The following CSK variants were observed in gnomAD, a reference collection of about 807,000 sequenced individuals.
CSK encodes the protein tyrosine-protein kinase CSK.
A neutral mutation model predicts 62.3 loss-of-function variants in CSK; 7 were observed. The observed-to-expected ratio is 0.11, with a 90% CI of 0.06 to 0.21. The LOEUF is 0.21. CSK is among the 10% of genes least tolerant of loss of function. The probability of loss-of-function intolerance (pLI) is 1.00; values close to 1 mark genes in which losing one functional copy is unlikely to be tolerated. For synonymous variants in CSK, 237 were observed against 246.0 expected (o/e 0.96, Z 0.34); for missense variants, 294 against 613.5 (o/e 0.48, Z 5.50).
intron 1 of CSK, among the ~76,000 whole-genome samples, chr15:74,791,660 G>C (rs1209534759): frequency 3.3e-5 from 5 of 152,094 alleles, no homozygotes; most frequent in African/African-American, 1.2e-4. Context: ...TTTCTCTAGT[G>C]TCCTGTTCAA....
chr15:74,785,928 ACT>A (rs1011035132), intron 1 of CSK, among the ~76,000 whole-genome samples: 13 of 148,800 alleles, frequency 8.7e-5, no homozygotes, highest in African/African-American at 3.2e-4. Flanking sequence ...CCGGGACCTG[ACT>A]CCACCCATTC....
In CSK at chr15:74,800,718, G is replaced by T. The variant is rs1358595789; in HGVS notation, c.594G>T (p.Leu198=). 5.7e-6 allele frequency: 9 copies of T among 1,568,166 alleles called. No individual in the cohort carries two copies. Among genetic ancestry groups the T allele is most frequent in the Non-Finnish European group, 7.8e-6 (9 of 1,156,196 alleles). ...WALNMKELKL[L]QTIGKGEFGD... The stretch of plus-strand genomic sequence containing the variant: ...TGAACATGAAGGAGCTGAAGCTGCT[G>T]CAGACCATCGGGAAGGGGGAGTTCG... The change falls in exon 7 of 13, where the codon CTG becomes CTT. Residue 198 remains leucine (L), a synonymous_variant. Transcript: ENST00000220003.
intron 1 of CSK, among the ~76,000 whole-genome samples, chr15:74,794,310 T>G (rs1596370251): frequency 1.2e-5 from 1 of 80,152 alleles, no homozygotes; most frequent in Non-Finnish European, 2.2e-5. Flanking sequence ...GGGTAAGGGG[T>G]CCCCGCCACC....
In CSK at chr15:74,798,595, A is replaced by G; in HGVS notation, c.16-20A>G. On this transcript the variant is annotated intron_variant, in intron 2 of 12. Coordinates refer to ENST00000220003, the MANE Select transcript of CSK (RefSeq NM_004383.3). This position sits in a 1 kb window ranked among gnomAD's most constrained non-coding sequence, Gnocchi z 6.6. ...GAGGGGGCCCAGGCTGCACCCGCCC[A>G]CGTGTCACCTGCCTTGCAGGCCGCC... The G allele has an allele frequency of 6.2e-7, 1 of 1,608,246 alleles. No homozygotes were observed. Among genetic ancestry groups the G allele is most frequent in the Non-Finnish European group, 8.5e-7 (1 of 1,175,814 alleles).
intron 1 of CSK, among the ~76,000 whole-genome samples, chr15:74,793,487 G>C (rs547922839): frequency 6.6e-6 from 1 of 152,326 alleles, no homozygotes; most frequent in African/African-American, 2.4e-5. Flanking sequence ...GCTATGGGGA[G>C]GGCTGGCTCA....
At position 74,801,082 on chromosome 15, in the gene CSK, G is replaced by A. The variant is rs771931241; in HGVS notation, c.793G>A (p.Val265Ile). 2.5e-6 allele frequency: 4 copies of A among 1,613,278 alleles called. No individual in the cohort carries two copies. The highest frequency in any genetic ancestry group is 4.5e-5 in the East Asian group (2 of 44,876). ...IVEEKGGLYI[V>I]TEYMAKGSLV... ...GGAGGAGAAGGGCGGGCTCTACATCGTCACTGAGTACATGGCCAAGGTGGG... is the reference window on the plus strand; with the variant it reads ...GGAGGAGAAGGGCGGGCTCTACATCATCACTGAGTACATGGCCAAGGTGGG... Residue 265 changes from valine to isoleucine, a missense_variant, in exon 9 of 13, where the codon GTC becomes ATC. This residue lies in a region of CSK where 202 missense variants were observed against 415.7 expected (regional missense o/e 0.49). Transcript: ENST00000220003.
At chr15:74,785,920 G>A (rs565512999) in intron 1 of CSK, among the ~76,000 whole-genome samples, 2 of 151,994 alleles carry the variant, frequency 1.3e-5, no homozygotes, top group East Asian at 1.9e-4. Flanking sequence ...GTTAGGGTCC[G>A]GGACCTGACT....
At chr15:74,786,312 C>G (rs1273197692) in intron 1 of CSK, among the ~76,000 whole-genome samples, 2 of 152,064 alleles carry the variant, frequency 1.3e-5, no homozygotes, top group Non-Finnish European at 2.9e-5. Flanking sequence ...TGAGCCACTG[C>G]GCCTCTTCTG....
chr15:74,790,249 A>C (rs2063598113), intron 1 of CSK, among the ~76,000 whole-genome samples: 1 of 152,198 alleles, frequency 6.6e-6, no homozygotes, highest in African/African-American at 2.4e-5. Context: ...GGGCGTAAAC[A>C]GTTACTGAAG....
chr15:74,800,430 G>T lies in CSK; in HGVS notation c.481G>T (p.Asp161Tyr). Residue 161 changes from aspartate (D) to tyrosine (Y), a missense_variant, in exon 6 of 13, where the codon GAT (aspartate) becomes TAT (tyrosine). Coordinates refer to ENST00000220003, the MANE Select transcript of CSK (RefSeq NM_004383.3). ...QLVEHYTSDADGLCTRLIKPK... is the reference protein window; with the variant it reads ...QLVEHYTSDAYGLCTRLIKPK... ...CCTGCAGCACTACACCTCAGACGCA[G>T]ATGGACTCTGTACGCGCCTCATTAA... 6.2e-7 allele frequency: 1 copy of T among 1,614,044 alleles called. No homozygotes were observed. The highest frequency in any genetic ancestry group is 8.5e-7 in the Non-Finnish European group (1 of 1,179,980).
intron 1 of CSK, among the ~76,000 whole-genome samples, chr15:74,785,261 G>A (rs1256781576): frequency 1.3e-5 from 2 of 152,104 alleles, no homozygotes; most frequent in Non-Finnish European, 2.9e-5. Flanking sequence ...TTTTCTCATG[G>A]TGCTACGCGG....
In CSK at chr15:74,802,531, G is replaced by A; in HGVS notation, c.*18G>A. 1 of 1,611,176 alleles carries A rather than the reference G, an allele frequency of 6.2e-7. No homozygotes were observed. Among genetic ancestry groups the A allele is most frequent in the Non-Finnish European group, 8.5e-7 (1 of 1,179,422 alleles). On this transcript the variant is annotated 3_prime_UTR_variant, in exon 13 of 13. Coordinates refer to ENST00000220003, the MANE Select transcript of CSK (RefSeq NM_004383.3). ...ACCTGTGACGGCTGGCCTCCGCCTG[G>A]GTCATGGGCCTGTGGGGACTGAACC...
intron 1 of CSK, among the ~76,000 whole-genome samples, chr15:74,794,915 C>T (rs1037219556): frequency 2.0e-5 from 3 of 152,164 alleles, no homozygotes; most frequent in African/African-American, 7.2e-5. Context: ...TGGAAGTCCC[C>T]CTGCTGCCTG....
In CSK at chr15:74,802,555, C is replaced by T; in HGVS notation, c.*42C>T. 1 of 1,595,832 alleles carries T rather than the reference C, an allele frequency of 6.3e-7. No individual in the cohort carries two copies. Among genetic ancestry groups the T allele is most frequent in the South Asian group, 1.1e-5 (1 of 88,888 alleles). On this transcript the variant is annotated 3_prime_UTR_variant, in exon 13 of 13. Coordinates refer to ENST00000220003, the MANE Select transcript of CSK (RefSeq NM_004383.3). ...GGGTCATGGGCCTGTGGGGACTGAA[C>T]CTGGAAGATCATGGACCTGGTGCCC... is the stretch of plus-strand genomic sequence containing the variant.
rs756335008 is a variant in CSK, at chr15:74,801,569, C to T, written c.861C>T (p.Gly287=). The T allele has an allele frequency of 3.0e-5, 48 of 1,613,964 alleles. No individual in the cohort carries two copies. The Admixed American group carries it at 6.0e-4, about 20-fold the overall frequency. ...YLRSRGRSVL[G]GDCLLKFSLD... Reference sequence around the variant, plus strand: ...GGTCTAGGGGTCGGTCAGTGCTGGGCGGAGACTGTCTCCTCAAGTTCTCGC... The same window carrying T: ...GGTCTAGGGGTCGGTCAGTGCTGGGTGGAGACTGTCTCCTCAAGTTCTCGC... Residue 287 remains glycine (G), a synonymous_variant, in exon 10 of 13, where the codon GGC becomes GGT. Transcript: ENST00000220003.
chr15:74,802,594 C>A lies in CSK; in HGVS notation c.*81C>A. On this transcript the variant is annotated 3_prime_UTR_variant, in exon 13 of 13. Transcript: ENST00000220003. The stretch of plus-strand genomic sequence containing the variant: ...GACCTGGTGCCCCTGCTCACTGGGC[C>A]CGAGCCTGAACTGAGCCCCAGCGGG... 1 of 1,546,738 alleles carries A rather than the reference C, an allele frequency of 6.5e-7. No homozygotes were observed. Among genetic ancestry groups the A allele is most frequent in the Non-Finnish European group, 8.7e-7 (1 of 1,143,934 alleles).
Position 74,800,828 on chromosome 15 carries a change from A to T in CSK, c.628A>T (p.Met210Leu), listed in dbSNP as rs745701299. The T allele has an allele frequency of 1.9e-6, 3 of 1,612,394 alleles. No homozygotes were observed. The highest frequency in any genetic ancestry group is 2.2e-5 in the South Asian group (2 of 90,862). The change falls in exon 8 of 13, where the codon ATG becomes TTG. Residue 210 changes from methionine to leucine, a missense_variant. Physicochemically the swap from Met to Leu is conservative, Grantham distance 15. Around this residue, in one of 3 missense-constraint regions of CSK, gnomAD observed 202 missense variants for 415.7 expected, o/e 0.49. Transcript: ENST00000220003. ...GACCACCTCTCTGCCCCCAGACGTG[A>T]TGCTGGGCGATTACCGAGGGAACAA... ...TIGKGEFGDV[M>L]LGDYRGNKVA...
rs201168194 is a variant in CSK, at chr15:74,798,959, T to C, written c.242+21T>C. ...ATGCCGTGAGTACCACGAGGAGGGG[T>C]TGGGGAGGGAAGGGGCCTTGGTCCT... On this transcript the variant is annotated intron_variant, in intron 4 of 12. Coordinates refer to ENST00000220003, the MANE Select transcript of CSK (RefSeq NM_004383.3). This position sits in a 1 kb window ranked among gnomAD's most constrained non-coding sequence, Gnocchi z 6.6. The C allele has an allele frequency of 2.8e-5, 41 of 1,484,062 alleles. No homozygotes were observed. The African/African-American group carries it at 2.9e-4, about 10-fold the overall frequency. 91.9% of individuals were successfully genotyped at this position (1,484,062 alleles called of 1,614,324 possible).
chr15:74,797,933 G>C (rs1050478422), intron 1 of CSK: 2 of 210,722 alleles, frequency 9.5e-6, no homozygotes, highest in African/African-American at 4.6e-5. Context: ...CTGGAACCAG[G>C]CCTGGGGCTG....
Sources: gnomAD v4.1 joint callset for allele counts (sites outside exome capture counted in the v4.1 genomes callset) on GRCh38, gnomAD v4.1.1 for gene constraint, gnomAD v4.1.1 regional missense constraint, Gnocchi (gnomAD v3.1) non-coding constraint, MANE v1.5 for transcripts, NCBI Gene and HGNC (gene_info 2026-07-23, HGNC 2026-07-21) for gene names.